ERLIN1: variants seen among roughly 807,000 people sequenced by gnomAD.
ERLIN1 encodes the protein erlin-1.
In ERLIN1, 24 loss-of-function variants were observed where a neutral mutation model predicts 46.9. That is an observed-to-expected ratio of 0.51 (90% CI 0.37 to 0.72). ERLIN1 has a LOEUF of 0.72. Among genes scored for constraint, ERLIN1 ranks in the 30% least tolerant of loss-of-function variants. The pLI is 0.00. For missense variants in ERLIN1, 293 were observed against 417.9 expected, an observed-to-expected ratio of 0.70 and a Z score of 2.61; for synonymous variants, 158 against 143.2, an observed-to-expected ratio of 1.10 and a Z score of -0.74.
At position 100,164,063 on chromosome 10, in the gene ERLIN1, G is replaced by A. The variant is rs1843501942; in HGVS notation, c.596C>T (p.Ala199Val). The A allele has an allele frequency of 6.2e-7, 1 of 1,613,118 alleles. No homozygotes were observed. The highest frequency in any genetic ancestry group is 8.5e-7 in the Non-Finnish European group (1 of 1,179,536). ...EAEKTKLLIAAQKQKVVEKEA... is the reference protein window; with the variant it reads ...EAEKTKLLIAVQKQKVVEKEA... ...TTTTTCCACAACCTTTTGTTTCTGTGCAGCTATAAGGAGTTTTGTCTTCTC... is the reference window on the plus strand; with the variant it reads ...TTTTTCCACAACCTTTTGTTTCTGTACAGCTATAAGGAGTTTTGTCTTCTC... The change falls in exon 8 of 11, where the codon GCA becomes GTA. Residue 199 changes from alanine to valine, a missense_variant. Physicochemically the swap from Ala to Val is moderately conservative, Grantham distance 64. Coordinates refer to ENST00000421367, the MANE Select transcript of ERLIN1 (RefSeq NM_006459.4).
At chr10:100,162,721 C>T (rs1021002709) in intron 8 of ERLIN1, among the ~76,000 whole-genome samples, 1 of 152,080 alleles carries the variant, frequency 6.6e-6, no homozygotes, top group Non-Finnish European at 1.5e-5. Flanking sequence ...AATATATAAG[C>T]TCTGATTTTT....
chr10:100,153,037 T>C (rs1842889746), intron 10 of ERLIN1, among the ~76,000 whole-genome samples: 1 of 152,242 alleles, frequency 6.6e-6, no homozygotes, highest in Non-Finnish European at 1.5e-5. Context: ...TTGAGAGAGA[T>C]ACACAGGTCA....
chr10:100,171,437 T>TAAATAA (rs1276732242), intron 6 of ERLIN1, among the ~76,000 whole-genome samples: 122 of 152,108 alleles, frequency 8.0e-4, no homozygotes, highest in Non-Finnish European at 1.6e-3. Context: ...TAGACAGGGT[T>TAAATAA]TTGCTCTGTT....
chr10:100,152,004 C>G lies in ERLIN1; in HGVS notation c.*127G>C. ...CCTCCAATCAGTGGAGCACCCAGGA[C>G]TATCGCAGGAGAGGTGGAACAGATG... On this transcript the variant is annotated 3_prime_UTR_variant, in exon 11 of 11. Coordinates refer to ENST00000421367, the MANE Select transcript of ERLIN1 (RefSeq NM_006459.4). 1 of 728,406 alleles carries G rather than the reference C, an allele frequency of 1.4e-6. No homozygotes were observed. The highest frequency in any genetic ancestry group is 2.5e-6 in the Non-Finnish European group (1 of 402,968). 45.1% of individuals were successfully genotyped at this position (728,406 alleles called of 1,614,324 possible). A position where few individuals can be genotyped will look rare whatever the true frequency, so the allele number is the denominator to read the frequency against.
rs781383034 is a variant in ERLIN1, at chr10:100,156,162, C to A, written c.728G>T (p.Arg243Leu). 7.4e-6 allele frequency: 12 copies of A among 1,611,766 alleles called. No individual in the cohort carries two copies. The highest frequency in any genetic ancestry group is 5.3e-5 in the African/African-American group (4 of 74,882). The change falls in exon 9 of 11, where the codon CGC becomes CTC. Residue 243 changes from arginine (R) to leucine (L), a missense_variant. Physicochemically the swap from Arg to Leu is moderately radical, Grantham distance 102. Transcript: ENST00000421367. The part of the protein sequence containing the change: ...QKVMEKETEK[R>L]ISEIEDAAFL... ...CAATGTACCTTCGATTTCAGAAATGCGCTTTTCAGTTTCTTTTTCCATCAC... is the reference window on the plus strand; with the variant it reads ...CAATGTACCTTCGATTTCAGAAATGAGCTTTTCAGTTTCTTTTTCCATCAC...
intron 8 of ERLIN1, among the ~76,000 whole-genome samples, chr10:100,157,292 G>A (rs1468787699): frequency 6.6e-6 from 1 of 152,180 alleles, no homozygotes; most frequent in Admixed American, 6.5e-5. Flanking sequence ...AGAAAGCAGG[G>A]TGATTCATTT....
At position 100,156,134 on chromosome 10, in the gene ERLIN1, C is replaced by T; in HGVS notation, c.745+11G>A. ...GGACAGGCAGAGCTTCATCCTCTCC[C>T]CACAATGTACCTTCGATTTCAGAAA... On this transcript the variant is annotated intron_variant, in intron 9 of 10. Coordinates refer to ENST00000421367, the MANE Select transcript of ERLIN1 (RefSeq NM_006459.4). 1 of 1,589,356 alleles carries T rather than the reference C, an allele frequency of 6.3e-7. No individual in the cohort carries two copies. Among genetic ancestry groups the T allele is most frequent in the Non-Finnish European group, 8.6e-7 (1 of 1,159,396 alleles).
intron 2 of ERLIN1, among the ~76,000 whole-genome samples, chr10:100,182,385 T>C (rs2134182914): frequency 6.6e-6 from 1 of 152,214 alleles, no homozygotes; most frequent in South Asian, 2.1e-4. Context: ...TATTATAGAT[T>C]GTTTCGGCTG....
intron 1 of ERLIN1, among the ~76,000 whole-genome samples, chr10:100,184,254 C>T (rs1471759619): frequency 6.6e-6 from 1 of 151,958 alleles, no homozygotes; most frequent in Non-Finnish European, 1.5e-5. Context: ...ACAATGCAAA[C>T]TTTGAAGTAA....
chr10:100,164,142 C>A, intron 7 of ERLIN1, 47 bp from the exon 8 acceptor site: 1 of 1,237,206 alleles, frequency 8.1e-7, no homozygotes, highest in Non-Finnish European at 1.2e-6. Context: ...CTCCTATGTG[C>A]AGTCACAGCC....
At chr10:100,166,886 A>G (rs1843672857) in intron 7 of ERLIN1, among the ~76,000 whole-genome samples, 1 of 152,364 alleles carries the variant, frequency 6.6e-6, no homozygotes, top group East Asian at 1.9e-4. Flanking sequence ...GAGGCACATT[A>G]TAAAGAACCA....
chr10:100,152,692 G>A (rs75730528), intron 10 of ERLIN1, among the ~76,000 whole-genome samples: 1 of 152,262 alleles, frequency 6.6e-6, no homozygotes, highest in African/African-American at 2.4e-5. Flanking sequence ...CCTGGAATTG[G>A]TCTGGAGTTT....
At chr10:100,170,766 C>T (rs547149401) in intron 6 of ERLIN1, among the ~76,000 whole-genome samples, 1 of 152,164 alleles carries the variant, frequency 6.6e-6, no homozygotes, top group East Asian at 1.9e-4. Flanking sequence ...AAAGAGTTAC[C>T]ATTAACTGAC....
intron 6 of ERLIN1, among the ~76,000 whole-genome samples, chr10:100,171,894 A>G (rs1459134574): frequency 6.6e-6 from 1 of 152,238 alleles, no homozygotes; most frequent in African/African-American, 2.4e-5. Context: ...TGCATCTGCT[A>G]ATTATTTGGG....
At chr10:100,178,101 C>T (rs1321757181) in intron 4 of ERLIN1, 32 bp downstream of exon 4, 4 of 1,410,974 alleles carry the variant, frequency 2.8e-6, no homozygotes, top group Middle Eastern at 1.7e-4. Context: ...CTGGCTATAA[C>T]TATAAAAACC....
chr10:100,179,061 T>C (rs1844480445), intron 3 of ERLIN1, 140 bp downstream of exon 3: 1 of 610,698 alleles, frequency 1.6e-6, no homozygotes, highest in Non-Finnish European at 2.9e-6. Context: ...AGATAGGCCT[T>C]TGCTCAAACA....
chr10:100,170,114 T>G (rs1843902502), intron 6 of ERLIN1, among the ~76,000 whole-genome samples: 1 of 152,218 alleles, frequency 6.6e-6, no homozygotes. Flanking sequence ...AAGATTAAGC[T>G]GGCAGAAACA....
chr10:100,159,467 G>GATTCA (rs1000475292), intron 8 of ERLIN1, among the ~76,000 whole-genome samples: 1 of 152,088 alleles, frequency 6.6e-6, no homozygotes, highest in Non-Finnish European at 1.5e-5. Flanking sequence ...AGAGAACACA[G>GATTCA]ATTCAATCTT....
At chr10:100,179,011 G>GA (rs1191104557) in intron 3 of ERLIN1, among the ~76,000 whole-genome samples, 190 bp downstream of exon 3, 1 of 152,168 alleles carries the variant, frequency 6.6e-6, no homozygotes, top group African/African-American at 2.4e-5. Flanking sequence ...AATACCATAA[G>GA]AACAATAATG....
Sources: gnomAD v4.1 joint callset for allele counts (sites outside exome capture counted in the v4.1 genomes callset) on GRCh38, gnomAD v4.1.1 for gene constraint, MANE v1.5 for transcripts, NCBI Gene and HGNC (gene_info 2026-07-23, HGNC 2026-07-21) for gene names.